GRK4: variants seen among roughly 807,000 people sequenced by gnomAD.
The protein encoded by GRK4 is G protein-coupled receptor kinase 4, also known as G protein-coupled receptor kinase 2-like.
In GRK4, 73 loss-of-function variants were observed where a neutral mutation model predicts 77.9. That is an observed-to-expected ratio of 0.94 (90% CI 0.78 to 1.14). The LOEUF (loss-of-function observed/expected upper bound fraction) is 1.14. Among genes scored for constraint, GRK4 ranks in the 50% most tolerant of loss-of-function variants. The pLI is 0.00. For missense variants in GRK4, 729 were observed against 700.2 expected (o/e 1.04, Z -0.46); for synonymous variants, 257 against 254.4 (o/e 1.01, Z -0.10).
chr4:2,985,089 C>G (rs752107380), intron 2 of GRK4, among the ~76,000 whole-genome samples: 1 of 152,146 alleles, frequency 6.6e-6, no homozygotes, highest in Admixed American at 6.5e-5. Flanking sequence ...TAGTAGCCTT[C>G]CAGACAGTTT....
chr4:2,992,094 C>A, intron 3 of GRK4, 121 bp from the exon 4 acceptor site: 2 of 589,908 alleles, frequency 3.4e-6, no homozygotes, highest in Non-Finnish European at 6.1e-6. Context: ...CTCAGGCTGG[C>A]CTCGAACTCT....
At chr4:3,016,648 C>A in intron 8 of GRK4, among the ~76,000 whole-genome samples, 1 of 148,550 alleles carries the variant, frequency 6.7e-6, no homozygotes, top group East Asian at 2.0e-4. Flanking sequence ...CTGCAGTGAG[C>A]CATTATTGCC....
chr4:3,013,901 A>T, intron 8 of GRK4, 73 bp downstream of exon 8: 2 of 1,472,008 alleles, frequency 1.4e-6, no homozygotes, highest in Non-Finnish European at 1.8e-6. Flanking sequence ...CATGCCGCTC[A>T]GCTCACGCTC....
At chr4:2,975,414 A>G (rs980571833) in intron 1 of GRK4, among the ~76,000 whole-genome samples, 7 of 152,098 alleles carry the variant, frequency 4.6e-5, no homozygotes, top group Non-Finnish European at 8.8e-5. Context: ...CTCATACCTA[A>G]TATACCGTGG....
intron 10 of GRK4, among the ~76,000 whole-genome samples, chr4:3,024,748 C>T (rs1297328062): frequency 6.6e-6 from 1 of 151,500 alleles, no homozygotes; most frequent in Non-Finnish European, 1.5e-5. Flanking sequence ...ATCCCAGCTA[C>T]TCAGGAGGCC....
intron 10 of GRK4, among the ~76,000 whole-genome samples, chr4:3,025,459 G>A (rs13143902): frequency 0.47 from 66,734 of 141,002 alleles, 17,215 homozygotes; most frequent in African/African-American, 0.68. Context: ...GCGTGATCTC[G>A]GCTCACTGTA....
At chr4:2,980,148 A>G (rs1324508403) in intron 1 of GRK4, among the ~76,000 whole-genome samples, 1 of 152,214 alleles carries the variant, frequency 6.6e-6, no homozygotes, top group Admixed American at 6.5e-5. Flanking sequence ...CAGAGCCTGG[A>G]CAGTGCCTGG....
At position 3,037,298 on chromosome 4, in the gene GRK4, G is replaced by A. The variant is rs1024678707; in HGVS notation, c.1408-76G>A. On this transcript the variant is annotated intron_variant, in intron 13 of 15. Transcript: ENST00000398052. The stretch of plus-strand genomic sequence containing the variant: ...GTGTTTATGCGTCAGTTTGCTGGGC[G>A]TTTCATTCTTGGGAACTGAGGGAGC... 2.0e-5 allele frequency: 29 copies of A among 1,415,998 alleles called. No individual in the cohort carries two copies. In the Admixed American group the frequency reaches 3.5e-4, roughly 17 times the overall value. The allele number at this position is 1,415,998 out of a possible 1,614,324, so 87.7% of individuals were successfully genotyped here.
chr4:2,982,975 A>G (rs112495432), intron 1 of GRK4, among the ~76,000 whole-genome samples: 1,981 of 152,344 alleles, frequency 0.013, 21 homozygotes, highest in African/African-American at 0.033. Flanking sequence ...GGGGAAGATT[A>G]TGAGTCTAGG....
At chr4:3,006,015 C>T (rs1449313315) in intron 5 of GRK4, among the ~76,000 whole-genome samples, 3 of 152,032 alleles carry the variant, frequency 2.0e-5, no homozygotes, top group East Asian at 1.9e-4. Context: ...CGGACTAGAA[C>T]CCTTCCCTCT....
At chr4:3,028,358 C>G (rs1056619893) in intron 11 of GRK4, among the ~76,000 whole-genome samples, 1 of 152,234 alleles carries the variant, frequency 6.6e-6, no homozygotes, top group African/African-American at 2.4e-5. Flanking sequence ...TCTGGTTATT[C>G]CAAAGATCCG....
chr4:3,037,885 A>T (rs1266659429), intron 14 of GRK4, among the ~76,000 whole-genome samples: 4 of 150,450 alleles, frequency 2.7e-5, no homozygotes, highest in Non-Finnish European at 5.9e-5. Context: ...ACTGTACTCC[A>T]CCTTGGGCGA....
At chr4:3,003,437 T>C (rs1341272373) in intron 4 of GRK4, among the ~76,000 whole-genome samples, 4 of 152,010 alleles carry the variant, frequency 2.6e-5, no homozygotes, top group African/African-American at 9.7e-5. Context: ...CTGATCCACA[T>C]AACTCTGCCT....
Position 2,984,122 on chromosome 4 carries a change from C to T in GRK4, c.53-391C>T, listed in dbSNP as rs376079313. 1.3e-3 allele frequency among the ~76,000 whole-genome samples: 191 copies of T among 152,198 alleles called. 1 individual carries two copies. The highest frequency in any genetic ancestry group is 4.4e-3 in the African/African-American group (181 of 41,522). On this transcript the variant is annotated intron_variant, in intron 1 of 15. Transcript: ENST00000398052. ...CCATATCACTCCCTCACTTAGAATGCGAGGGAGGGACTTGGTCTTTTTTAC... is the reference window on the plus strand; with the variant it reads ...CCATATCACTCCCTCACTTAGAATGTGAGGGAGGGACTTGGTCTTTTTTAC...
intron 4 of GRK4, among the ~76,000 whole-genome samples, chr4:2,999,574 G>A (rs1001599077): frequency 5.3e-5 from 8 of 152,174 alleles, no homozygotes; most frequent in African/African-American, 1.9e-4. Context: ...CAACTGGATA[G>A]CCACATGCAG....
intron 1 of GRK4, chr4:2,965,763 G>T: frequency 2.8e-6 from 1 of 362,914 alleles, no homozygotes; most frequent in Non-Finnish European, 5.2e-6. Flanking sequence ...GAGAATGGGT[G>T]GGAAGAGAAT....
Position 3,029,402 on chromosome 4 carries a change from G to A in GRK4, c.1262G>A (p.Cys421Tyr), listed in dbSNP as rs144771780. 8.1e-6 allele frequency: 13 copies of A among 1,612,806 alleles called. No homozygotes were observed. The highest frequency in any genetic ancestry group is 1.3e-5 in the African/African-American group (1 of 74,878). ...EKFSEDAKSICRMLLTKNPSK... is the reference protein window; with the variant it reads ...EKFSEDAKSIYRMLLTKNPSK... ...TTTTCAGAGGATGCCAAATCTATCT[G>A]CAGGATGGTAAGTCAGGCTCTGTAG... Residue 421 changes from cysteine to tyrosine, a missense_variant, in exon 12 of 16, where the codon TGC (cysteine) becomes TAC (tyrosine). By Grantham distance (194) the Cys-to-Tyr change is radical. Transcript: ENST00000398052.
chr4:2,963,749 G>A lies in GRK4; in HGVS notation c.-322G>A. On this transcript the variant is annotated 5_prime_UTR_variant, in exon 1 of 16. Transcript: ENST00000398052. The stretch of plus-strand genomic sequence containing the variant: ...GGGGCAGGGCACTGAGGAGGGAGTT[G>A]CGCGCGCGAGGCGAGGGCGATGGGG... The A allele has an allele frequency of 2.2e-6, 1 of 454,872 alleles. No individual in the cohort carries two copies. Among genetic ancestry groups the A allele is most frequent in the Non-Finnish European group, 3.9e-6 (1 of 257,400 alleles). The allele number at this position is 454,872 out of a possible 1,614,324, so 28.2% of individuals were successfully genotyped here. A position where few individuals can be genotyped will look rare whatever the true frequency, so the allele number is the denominator to read the frequency against.
At chr4:2,966,765 T>G (rs909521639) in intron 1 of GRK4, 18 of 152,216 alleles carry the variant, frequency 1.2e-4, no homozygotes, top group African/African-American at 4.3e-4. Flanking sequence ...AAAATTAACC[T>G]TTGAAATGAA....
Sources: gnomAD v4.1 joint callset for allele counts (sites outside exome capture counted in the v4.1 genomes callset) on GRCh38, gnomAD v4.1.1 for gene constraint, MANE v1.5 for transcripts, NCBI Gene and HGNC (gene_info 2026-07-23, HGNC 2026-07-21) for gene names.